The following TNNI3K variants were observed in gnomAD, a reference collection of about 807,000 sequenced individuals.
TNNI3K encodes TNNI3 interacting kinase, also known as serine/threonine-protein kinase TNNI3K.
TNNI3K carries 140 observed loss-of-function variants against 114.5 expected under a neutral mutation model. That is an observed-to-expected ratio of 1.22 (90% CI 1.07 to 1.41). TNNI3K has a LOEUF of 1.41. Ranked by LOEUF, TNNI3K falls within the 40% of genes most tolerant of loss-of-function variation. TNNI3K has a pLI of 0.00. For missense variants in TNNI3K, 1,125 were observed against 1,007.6 expected (o/e 1.12, Z -1.58); for synonymous variants, 347 against 347.5 (o/e 1.00, Z 0.02).
intron 5 of TNNI3K, among the ~76,000 whole-genome samples, chr1:74,284,839 G>A (rs145388938): frequency 1.4e-3 from 218 of 152,302 alleles, no homozygotes; most frequent in African/African-American, 5.1e-3. Context: ...GCATAAATGG[G>A]CTAACTCCTT....
intron 17 of TNNI3K, chr1:74,371,935 G>T (rs1289657985): frequency 6.6e-6 from 1 of 151,570 alleles, no homozygotes; most frequent in African/African-American, 2.4e-5. Context: ...AATTTCACCG[G>T]TGGCAGTGGA....
In TNNI3K at chr1:74,498,131, T is replaced by C. The variant is rs552607249; in HGVS notation, c.2351+5865T>C. ...AAAATTATCTTACACAAAATGACAA[T>C]AGCATTCTTGGAGAGGAAAACTACA... On this transcript the variant is annotated intron_variant, in intron 23 of 24. Coordinates refer to ENST00000326637, the MANE Select transcript of TNNI3K (RefSeq NM_015978.3). 3.9e-5 allele frequency among the ~76,000 whole-genome samples: 6 copies of C among 152,284 alleles called. No homozygotes were observed. In the South Asian group the frequency reaches 1.0e-3, roughly 26 times the overall value.
At chr1:74,426,255 C>A (rs1263981411) in intron 17 of TNNI3K, among the ~76,000 whole-genome samples, 1 of 152,016 alleles carries the variant, frequency 6.6e-6, no homozygotes, top group Non-Finnish European at 1.5e-5. Context: ...AAACAAATTC[C>A]CCTGAAGTCA....
intron 20 of TNNI3K, among the ~76,000 whole-genome samples, chr1:74,459,159 A>G (rs902332140): frequency 6.6e-6 from 1 of 152,224 alleles, no homozygotes; most frequent in African/African-American, 2.4e-5. Context: ...CTATATGGCC[A>G]TAAAAAGAAC....
intron 17 of TNNI3K, among the ~76,000 whole-genome samples, chr1:74,377,933 T>G (rs954287737): frequency 2.6e-5 from 4 of 152,106 alleles, no homozygotes; most frequent in African/African-American, 4.8e-5. Context: ...CATATTTATA[T>G]ATAAATGCCC....
At chr1:74,402,047 A>T (rs1233362642) in intron 17 of TNNI3K, 2 of 214,188 alleles carry the variant, frequency 9.3e-6, no homozygotes, top group African/African-American at 4.7e-5. Flanking sequence ...TCTGGTTCTC[A>T]TCCTTTAGAG....
chr1:74,445,660 G>C (rs1181804903), intron 20 of TNNI3K, among the ~76,000 whole-genome samples: 41 of 146,964 alleles, frequency 2.8e-4, no homozygotes, highest in African/African-American at 1.0e-3. Context: ...GCCCAGGCTG[G>C]AGTGCAGTGG....
At chr1:74,357,263 T>C (rs911463414) in intron 11 of TNNI3K, among the ~76,000 whole-genome samples, 36 of 152,156 alleles carry the variant, frequency 2.4e-4, no homozygotes, top group African/African-American at 8.7e-4. Context: ...TACCCTATCC[T>C]ATCCCGGGAG....
intron 20 of TNNI3K, among the ~76,000 whole-genome samples, chr1:74,449,707 A>G (rs573739245): frequency 0.019 from 2,899 of 151,640 alleles, 100 homozygotes; most frequent in African/African-American, 0.067. Context: ...AGAGCTAACT[A>G]TCCTAAATAT....
intron 9 of TNNI3K, among the ~76,000 whole-genome samples, chr1:74,347,227 A>T (rs1391807596): frequency 2.3e-5 from 3 of 131,486 alleles, no homozygotes; most frequent in African/African-American, 8.8e-5. Flanking sequence ...TTCAATTCCC[A>T]CCTATGAGTG....
chr1:74,351,169 C>CA (rs1163216703), intron 9 of TNNI3K, among the ~76,000 whole-genome samples: 1 of 152,006 alleles, frequency 6.6e-6, no homozygotes, highest in Non-Finnish European at 1.5e-5. Flanking sequence ...CTGGTGGTGA[C>CA]AAAATCTCTC....
At chr1:74,387,552 G>A (rs945384738) in intron 17 of TNNI3K, among the ~76,000 whole-genome samples, 6 of 152,144 alleles carry the variant, frequency 3.9e-5, no homozygotes, top group Admixed American at 2.0e-4. Context: ...GCCCAAAAAA[G>A]CTTTCGGTAT....
At chr1:74,260,271 T>C (rs564165112) in intron 4 of TNNI3K, among the ~76,000 whole-genome samples, 28 of 152,298 alleles carry the variant, frequency 1.8e-4, no homozygotes, top group African/African-American at 6.5e-4. Flanking sequence ...GTCTTTTTCT[T>C]TGATTCCTCA....
At chr1:74,515,108 C>T (rs182008788) in intron 23 of TNNI3K, among the ~76,000 whole-genome samples, 78 of 152,296 alleles carry the variant, frequency 5.1e-4, no homozygotes, top group Non-Finnish European at 4.4e-4. Flanking sequence ...AAGAACCAAC[C>T]TTGCCAACAC....
At chr1:74,255,057 A>G (rs1290412579) in intron 4 of TNNI3K, among the ~76,000 whole-genome samples, 1 of 152,238 alleles carries the variant, frequency 6.6e-6, no homozygotes. Flanking sequence ...TTCAGTAAAC[A>G]TTATGAACTT....
At chr1:74,300,554 C>G (rs757940037) in intron 5 of TNNI3K, among the ~76,000 whole-genome samples, 7 of 152,116 alleles carry the variant, frequency 4.6e-5, no homozygotes, top group Non-Finnish European at 1.0e-4. Flanking sequence ...GCCTAGAGAG[C>G]AATATAAAAT....
At chr1:74,499,219 A>G (rs1234060847) in intron 23 of TNNI3K, among the ~76,000 whole-genome samples, 1 of 152,116 alleles carries the variant, frequency 6.6e-6, no homozygotes, top group Non-Finnish European at 1.5e-5. Context: ...TGAACACTTT[A>G]CCTAGAATTT....
chr1:74,480,890 A>G (rs1413865789), intron 21 of TNNI3K: 2 of 717,468 alleles, frequency 2.8e-6, no homozygotes, highest in Non-Finnish European at 5.2e-6. Context: ...AAGATTAAAC[A>G]AGAGAGACAG....
chr1:74,418,967 A>C (rs1169638699), intron 17 of TNNI3K, among the ~76,000 whole-genome samples: 1 of 152,102 alleles, frequency 6.6e-6, no homozygotes, highest in African/African-American at 2.4e-5. Flanking sequence ...TTGCTGTTTT[A>C]AAGTTCTGGG....
Sources: allele counts gnomAD v4.1 joint callset (sites outside exome capture counted in the v4.1 genomes callset), GRCh38; gene constraint gnomAD v4.1.1; transcripts MANE v1.5; gene names NCBI Gene and HGNC (gene_info 2026-07-23, HGNC 2026-07-21).